The following PLCB4 variants were observed in gnomAD, a reference collection of about 807,000 sequenced individuals.
The protein encoded by PLCB4 is phospholipase C beta 4.
In PLCB4, 77 loss-of-function variants were observed where a neutral mutation model predicts 178.8. That is an observed-to-expected ratio of 0.43 (90% CI 0.36 to 0.52). The LOEUF is 0.52. Among genes scored for constraint, PLCB4 ranks in the 20% least tolerant of loss-of-function variants. The pLI is 0.00. For synonymous variants in PLCB4, 496 were observed against 490.8 expected (o/e 1.01, Z -0.14); for missense variants, 1,024 against 1,453.4 (o/e 0.70, Z 4.80).
In PLCB4 at chr20:9,421,185, T is replaced by A. The variant is rs548182698; in HGVS notation, c.2155-112T>A. The A allele has an allele frequency of 2.0e-5, 15 of 757,094 alleles. No individual in the cohort carries two copies. In the South Asian group the frequency reaches 3.0e-4, roughly 15 times the overall value. The allele number at this position is 757,094 out of a possible 1,614,324, so 46.9% of individuals were successfully genotyped here. ...ATGAATACATTATTGCCATAGATAA[T>A]TGAAATTCCTGCTCCCACCCAAAAG... On this transcript the variant is annotated intron_variant, in intron 26 of 39. Transcript: ENST00000378473.
At chr20:9,337,956 A>G (rs376590114) in intron 5 of PLCB4, 52 bp from the exon 6 acceptor site, 14 of 1,433,588 alleles carry the variant, frequency 9.8e-6, no homozygotes, top group Middle Eastern at 1.8e-4. Flanking sequence ...TGCCTGTATC[A>G]TAGGTATGGC....
chr20:9,258,922 C>A (rs2094267788), intron 3 of PLCB4, among the ~76,000 whole-genome samples: 2 of 151,936 alleles, frequency 1.3e-5, no homozygotes, highest in African/African-American at 2.4e-5. Flanking sequence ...AGAATTAATG[C>A]AGTGTAAGCT....
intron 1 of PLCB4, among the ~76,000 whole-genome samples, chr20:9,070,013 A>T (rs995740463): frequency 1.3e-5 from 2 of 152,012 alleles, no homozygotes; most frequent in African/African-American, 4.8e-5. Flanking sequence ...TTTGGCCAGA[A>T]TATTCAGGAA....
At chr20:9,412,287 G>A (rs2039914082) in intron 25 of PLCB4, among the ~76,000 whole-genome samples, 1 of 152,142 alleles carries the variant, frequency 6.6e-6, no homozygotes, top group African/African-American at 2.4e-5. Flanking sequence ...GTGGGCCAAG[G>A]CATCAAGCCC....
intron 25 of PLCB4, among the ~76,000 whole-genome samples, chr20:9,419,072 T>A (rs2148556288): frequency 6.6e-6 from 1 of 151,458 alleles, no homozygotes; most frequent in South Asian, 2.1e-4. Context: ...TTCCTTAGAG[T>A]TTTTTTTTAT....
chr20:9,288,739 T>C (rs527662635), intron 3 of PLCB4, among the ~76,000 whole-genome samples: 1 of 152,082 alleles, frequency 6.6e-6, no homozygotes, highest in East Asian at 1.9e-4. Flanking sequence ...AGGAGTTACA[T>C]TCTGGAAAGG....
In PLCB4 at chr20:9,173,472, C is replaced by T. The variant is rs1188451163; in HGVS notation, c.-78-43918C>T. On this transcript the variant is annotated intron_variant, in intron 2 of 39. Coordinates refer to ENST00000378473, the MANE Select transcript of PLCB4 (RefSeq NM_001377142.1). ...TGTTGTTGCTGCTGTAACAAACTGC[C>T]GTAAACTTAGTGGCTTAAAGCACAG... Among the ~76,000 whole-genome samples, 4 of 152,104 alleles carry T rather than the reference C, an allele frequency of 2.6e-5. No individual in the cohort carries two copies. The South Asian group carries it at 6.2e-4, about 24-fold the overall frequency.
intron 3 of PLCB4, among the ~76,000 whole-genome samples, chr20:9,263,963 A>G (rs929354809): frequency 6.6e-6 from 1 of 152,334 alleles, no homozygotes; most frequent in Admixed American, 6.5e-5. Context: ...TTCAATCATT[A>G]TACTACACCT....
At chr20:9,098,249 A>G (rs2090994251) in intron 2 of PLCB4, among the ~76,000 whole-genome samples, 1 of 152,212 alleles carries the variant, frequency 6.6e-6, no homozygotes, top group Non-Finnish European at 1.5e-5. Flanking sequence ...TAAGTGTGAT[A>G]TAAATGCTGA....
rs186770239 is a variant in PLCB4, at chr20:9,190,229, T to C, written c.-78-27161T>C. ...GACTGGGGCTGGCTGGCGATATGGT[T>C]TGGCTCTGTGTCCCCACCCAACTCT... is the stretch of plus-strand genomic sequence containing the variant. On this transcript the variant is annotated intron_variant, in intron 2 of 39. Coordinates refer to ENST00000378473, the MANE Select transcript of PLCB4 (RefSeq NM_001377142.1). Among the ~76,000 whole-genome samples, 62 of 152,222 alleles carry C rather than the reference T, an allele frequency of 4.1e-4. No homozygotes were observed. In the East Asian group the frequency reaches 0.012, roughly 28 times the overall value.
At chr20:9,343,472 G>C (rs751023296) in intron 7 of PLCB4, among the ~76,000 whole-genome samples, 5 of 152,088 alleles carry the variant, frequency 3.3e-5, no homozygotes, top group Non-Finnish European at 5.9e-5. Context: ...TCTGAAACCT[G>C]AGTTTCTCAG....
intron 3 of PLCB4, among the ~76,000 whole-genome samples, chr20:9,276,342 G>T (rs1163868962): frequency 6.6e-6 from 1 of 152,036 alleles, no homozygotes; most frequent in African/African-American, 2.4e-5. Context: ...GCCATGCCCA[G>T]ATGCGATACA....
intron 3 of PLCB4, among the ~76,000 whole-genome samples, chr20:9,277,776 T>A (rs2147666146): frequency 6.6e-6 from 1 of 152,056 alleles, no homozygotes; most frequent in South Asian, 2.1e-4. Flanking sequence ...TAGACAGCTT[T>A]CCTATCTAGG....
In PLCB4 at chr20:9,390,622, A is replaced by AT; in HGVS notation, c.1323+12dup. 1 of 1,378,834 alleles carries AT rather than the reference A, an allele frequency of 7.3e-7. No individual in the cohort carries two copies. The highest frequency in any genetic ancestry group is 1.0e-6 in the Non-Finnish European group (1 of 966,280). The allele number at this position is 1,378,834 out of a possible 1,614,324, so 85.4% of individuals were successfully genotyped here. On this transcript the variant is annotated splice_region_variant and intron_variant, in intron 17 of 39. Coordinates refer to ENST00000378473, the MANE Select transcript of PLCB4 (RefSeq NM_001377142.1). ...AGCACTTGAATCACATCCAGTATGT[A>AT]TTTTTAACAAACCATATTTCTAGCA... is the stretch of plus-strand genomic sequence containing the variant.
At chr20:9,086,601 C>T (rs1462575200) in intron 1 of PLCB4, among the ~76,000 whole-genome samples, 2 of 152,168 alleles carry the variant, frequency 1.3e-5, no homozygotes, top group East Asian at 3.9e-4. Context: ...AGCGCCTCAG[C>T]TGGAGTCAGA....
chr20:9,149,909 T>TG (rs1441483115), intron 2 of PLCB4, among the ~76,000 whole-genome samples: 5 of 152,158 alleles, frequency 3.3e-5, no homozygotes, highest in Non-Finnish European at 7.3e-5. Flanking sequence ...TGAACTGCAG[T>TG]GCAATCTTAA....
chr20:9,228,192 A>G (rs138706541), intron 3 of PLCB4, among the ~76,000 whole-genome samples: 12 of 152,332 alleles, frequency 7.9e-5, no homozygotes, highest in South Asian at 2.1e-4. Context: ...ATTTATGCAT[A>G]TGTTTGCCTG....
At chr20:9,169,423 TA>T (rs5840310) in intron 2 of PLCB4, among the ~76,000 whole-genome samples, 36,915 of 136,300 alleles carry the variant, frequency 0.27, 4,664 homozygotes, top group African/African-American at 0.3. Context: ...CCCCATCTCT[TA>T]AAAAAAAAAA....
intron 17 of PLCB4, among the ~76,000 whole-genome samples, chr20:9,391,810 T>G (rs1268319015): frequency 6.6e-6 from 1 of 152,202 alleles, no homozygotes; most frequent in Non-Finnish European, 1.5e-5. Flanking sequence ...TATCCCATGC[T>G]TCATCCCTCC....
Sources: allele counts gnomAD v4.1 joint callset (sites outside exome capture counted in the v4.1 genomes callset), GRCh38; gene constraint gnomAD v4.1.1; transcripts MANE v1.5; gene names NCBI Gene and HGNC (gene_info 2026-07-23, HGNC 2026-07-21).